ROBO2: variants seen among roughly 807,000 people sequenced by gnomAD.
The protein encoded by ROBO2 is roundabout guidance receptor 2, also known as roundabout homolog 2.
ROBO2 carries 53 observed loss-of-function variants against 160.8 expected under a neutral mutation model. That is an observed-to-expected ratio of 0.33 (90% CI 0.26 to 0.41). The LOEUF (loss-of-function observed/expected upper bound fraction) is 0.41, where lower values mean the gene tolerates loss of function less well. Ranked by LOEUF, ROBO2 falls within the 10% of genes least tolerant of loss-of-function variation. The pLI, the probability that ROBO2 is intolerant of heterozygous loss-of-function variation, is 1.00. For missense variants in ROBO2, 1,577 were observed against 1,722.4 expected (o/e 0.92, Z 1.49); for synonymous variants, 664 against 611.7 (o/e 1.09, Z -1.26).
At chr3:77,482,859 G>T (rs1271350583) in intron 4 of ROBO2, among the ~76,000 whole-genome samples, 1 of 149,096 alleles carries the variant, frequency 6.7e-6, no homozygotes, top group Non-Finnish European at 1.5e-5. Flanking sequence ...CTCTGGAATA[G>T]AAAGAAAAAA....
intron 2 of ROBO2, among the ~76,000 whole-genome samples, chr3:77,459,241 C>T (rs976304854): frequency 5.9e-5 from 9 of 152,080 alleles, no homozygotes; most frequent in Non-Finnish European, 1.2e-4. Context: ...ACAGTGATAC[C>T]TTCAATGCAT....
chr3:77,415,454 A>G (rs1367766481), intron 2 of ROBO2, among the ~76,000 whole-genome samples: 1 of 152,204 alleles, frequency 6.6e-6, no homozygotes, highest in Non-Finnish European at 1.5e-5. Context: ...GTCCTCTGCA[A>G]TAGTCCAGGC....
chr3:76,424,183 C>T (rs1252665313), intron 2 of ROBO2, among the ~76,000 whole-genome samples: 1 of 152,024 alleles, frequency 6.6e-6, no homozygotes, highest in African/African-American at 2.4e-5. Flanking sequence ...TTCATATTAC[C>T]TTAACAATAT....
At chr3:76,165,196 G>A (rs755367934) in intron 2 of ROBO2, among the ~76,000 whole-genome samples, 2 of 152,134 alleles carry the variant, frequency 1.3e-5, no homozygotes, top group Non-Finnish European at 2.9e-5. Context: ...CTGTTGTTTA[G>A]TGTGAACATC....
At chr3:76,023,020 G>C (rs2066620835) in intron 2 of ROBO2, among the ~76,000 whole-genome samples, 1 of 151,660 alleles carries the variant, frequency 6.6e-6, no homozygotes, top group Admixed American at 6.6e-5. Context: ...GCACACACTA[G>C]TTCACCTTGC....
intron 2 of ROBO2, among the ~76,000 whole-genome samples, chr3:77,107,556 C>T (rs761910535): frequency 6.6e-6 from 1 of 152,110 alleles, no homozygotes; most frequent in Non-Finnish European, 1.5e-5. Flanking sequence ...CATCTATTTG[C>T]ATATCATTTA....
At chr3:77,462,401 A>G (rs2082335634) in intron 2 of ROBO2, among the ~76,000 whole-genome samples, 1 of 152,216 alleles carries the variant, frequency 6.6e-6, no homozygotes, top group Non-Finnish European at 1.5e-5. Context: ...AAAAAAACTC[A>G]TTAGTTGAAT....
At chr3:77,491,407 C>A (rs566178848) in intron 4 of ROBO2, among the ~76,000 whole-genome samples, 2 of 152,216 alleles carry the variant, frequency 1.3e-5, no homozygotes, top group East Asian at 1.9e-4. Flanking sequence ...TGAATAGCTG[C>A]GCCTGATAGC....
At chr3:76,234,896 G>A (rs1704846051) in intron 2 of ROBO2, among the ~76,000 whole-genome samples, 1 of 152,102 alleles carries the variant, frequency 6.6e-6, no homozygotes, top group South Asian at 2.1e-4. Flanking sequence ...CACAGATGAA[G>A]GGTTATTTTC....
At chr3:76,948,888 ATATATATATATATATATATATT>A (rs1244427345) in intron 2 of ROBO2, among the ~76,000 whole-genome samples, 1,318 of 24,830 alleles carry the variant, frequency 0.053, 59 homozygotes, top group African/African-American at 0.16. Context: ...ATATATATAT[ATATATATATATATATATATATT>A]TTTTTTTTTT....
chr3:75,990,559 A>T (rs1014922197), intron 2 of ROBO2, among the ~76,000 whole-genome samples: 1 of 152,322 alleles, frequency 6.6e-6, no homozygotes, highest in Non-Finnish European at 1.5e-5. Context: ...TTTTTCTAAT[A>T]AATTACTGAA....
intron 2 of ROBO2, among the ~76,000 whole-genome samples, chr3:76,357,712 C>A (rs912613553): frequency 1.3e-5 from 2 of 151,850 alleles, no homozygotes; most frequent in African/African-American, 4.8e-5. Flanking sequence ...GAAGATATCT[C>A]ATTGGGATCT....
intron 2 of ROBO2, among the ~76,000 whole-genome samples, chr3:76,213,522 GGTAGT>G (rs1559646782): frequency 6.6e-6 from 1 of 151,906 alleles, no homozygotes; most frequent in African/African-American, 2.4e-5. Context: ...AATTCAAAAA[GGTAGT>G]GTATTCTTTT....
chr3:77,543,184 G>C (rs1222374054), intron 6 of ROBO2, among the ~76,000 whole-genome samples: 1 of 151,584 alleles, frequency 6.6e-6, no homozygotes, highest in Non-Finnish European at 1.5e-5. Context: ...TGGCCTGATT[G>C]GTTCTGTTCC....
chr3:77,303,551 C>A (rs575291266), intron 2 of ROBO2, among the ~76,000 whole-genome samples: 154 of 152,070 alleles, frequency 1.0e-3, no homozygotes, highest in African/African-American at 3.5e-3. Context: ...ATATTTATTG[C>A]ATTCACAATG....
At chr3:76,078,282 A>G (rs2068707370) in intron 2 of ROBO2, among the ~76,000 whole-genome samples, 1 of 152,158 alleles carries the variant, frequency 6.6e-6, no homozygotes, top group Non-Finnish European at 1.5e-5. Context: ...ATTCGGATGT[A>G]TTTGGAGAGT....
intron 2 of ROBO2, among the ~76,000 whole-genome samples, chr3:76,822,630 G>T (rs761557213): frequency 6.6e-6 from 1 of 151,334 alleles, no homozygotes; most frequent in Non-Finnish European, 1.5e-5. Context: ...TTATCATGAT[G>T]AATGATCATT....
intron 2 of ROBO2, among the ~76,000 whole-genome samples, chr3:76,238,071 G>T (rs146738630): frequency 1.3e-5 from 2 of 152,102 alleles, no homozygotes; most frequent in African/African-American, 2.4e-5. Context: ...TGGCAAAAAG[G>T]TCTGAAAGAC....
At chr3:76,037,641 G>C (rs1223985254) in intron 2 of ROBO2, among the ~76,000 whole-genome samples, 1 of 151,874 alleles carries the variant, frequency 6.6e-6, no homozygotes, top group African/African-American at 2.4e-5. Flanking sequence ...AGGCACTGGG[G>C]ATTGACTAAA....
Sources: allele counts gnomAD v4.1 joint callset (sites outside exome capture counted in the v4.1 genomes callset), GRCh38; gene constraint gnomAD v4.1.1; transcripts MANE v1.5; gene names NCBI Gene and HGNC (gene_info 2026-07-23, HGNC 2026-07-21).